Variants in DAB1 observed in about 807,000 individuals in gnomAD.
DAB1 encodes disabled homolog 1.
Under a neutral mutation model 64.6 loss-of-function variants are expected in DAB1, and 15 were observed. The ratio of observed to expected loss-of-function variants is 0.23; its 90% CI spans 0.16 to 0.36. DAB1 has a LOEUF of 0.36. Among genes scored for constraint, DAB1 ranks in the 10% least tolerant of loss-of-function variants. The probability of loss-of-function intolerance (pLI) is 1.00; values close to 1 mark genes in which losing one functional copy is unlikely to be tolerated. For missense variants in DAB1, 596 were observed against 706.7 expected, an observed-to-expected ratio of 0.84 and a Z score of 1.78; for synonymous variants, 235 against 251.9, an observed-to-expected ratio of 0.93 and a Z score of 0.64.
At chr1:57,285,271 C>CT (rs1360659422) in intron 2 of DAB1, among the ~76,000 whole-genome samples, 1 of 151,884 alleles carries the variant, frequency 6.6e-6, no homozygotes, top group Non-Finnish European at 1.5e-5. Context: ...TTCTTTCTTT[C>CT]TTTTTTTCTT....
intron 5 of DAB1, among the ~76,000 whole-genome samples, chr1:57,908,865 T>C (rs950126137): frequency 6.6e-6 from 1 of 152,208 alleles, no homozygotes; most frequent in Non-Finnish European, 1.5e-5. Context: ...ATTAGCCCTC[T>C]GACCCAATTA....
chr1:57,972,498 C>A (rs1645821896), intron 5 of DAB1, among the ~76,000 whole-genome samples: 1 of 152,214 alleles, frequency 6.6e-6, no homozygotes, highest in East Asian at 1.9e-4. Flanking sequence ...CCACCTCAGC[C>A]TCCCCAAGTG....
chr1:57,334,974 C>T (rs1220761724), intron 1 of DAB1, among the ~76,000 whole-genome samples: 1 of 152,188 alleles, frequency 6.6e-6, no homozygotes, highest in Non-Finnish European at 1.5e-5. Flanking sequence ...ACTAACCTTT[C>T]ATTTCTTTCT....
chr1:58,400,401 T>C (rs576161214), intron 3 of DAB1, among the ~76,000 whole-genome samples: 22 of 152,222 alleles, frequency 1.4e-4, no homozygotes, highest in African/African-American at 5.3e-4. Flanking sequence ...TGGTGATGCA[T>C]GATTCAAGGG....
At chr1:57,483,664 T>C (rs1048040291) in intron 7 of DAB1, among the ~76,000 whole-genome samples, 6 of 152,162 alleles carry the variant, frequency 3.9e-5, no homozygotes, top group South Asian at 4.1e-4. Context: ...CAGGCTGGAG[T>C]GCAGTGGTGC....
rs146726953 is a variant in DAB1, at chr1:58,033,398, C to G, written n.387+117113G>C. Among the ~76,000 whole-genome samples, 250 of 152,276 alleles carry G rather than the reference C, an allele frequency of 1.6e-3. 2 individuals carry two copies. The highest frequency in any genetic ancestry group is 5.6e-3 in the African/African-American group (233 of 41,572). Reference sequence around the variant, plus strand: ...ATCAGATAAGCACCATACAACTTCACGGTTCCTTATGGTTTCCTTATGCCC... The same window carrying G: ...ATCAGATAAGCACCATACAACTTCAGGGTTCCTTATGGTTTCCTTATGCCC... On this transcript the variant is annotated intron_variant and non_coding_transcript_variant, in intron 5 of 20. Transcript: ENST00000485760.
chr1:58,101,264 C>T (rs1570353334), intron 5 of DAB1, among the ~76,000 whole-genome samples: 1 of 152,248 alleles, frequency 6.6e-6, no homozygotes, highest in East Asian at 1.9e-4. Context: ...TGGCAGTGAG[C>T]CGAGGTCATG....
intron 4 of DAB1, among the ~76,000 whole-genome samples, chr1:58,231,566 G>A (rs2100352354): frequency 6.6e-6 from 1 of 152,204 alleles, no homozygotes; most frequent in East Asian, 1.9e-4. Context: ...TAAGGTATGA[G>A]GACAGGAGTG....
chr1:58,165,443 G>C (rs1257949544), intron 4 of DAB1, among the ~76,000 whole-genome samples: 1 of 152,142 alleles, frequency 6.6e-6, no homozygotes, highest in East Asian at 1.9e-4. Context: ...TGCAAAAGGA[G>C]GCTCTCTTCT....
chr1:57,126,380 C>T (rs1016484544), intron 4 of DAB1, among the ~76,000 whole-genome samples: 1 of 152,202 alleles, frequency 6.6e-6, no homozygotes, highest in Non-Finnish European at 1.5e-5. Context: ...TTGGCAGGCA[C>T]ACAGGGGCAG....
At chr1:57,451,396 G>T (rs905084302) in intron 7 of DAB1, among the ~76,000 whole-genome samples, 7 of 152,162 alleles carry the variant, frequency 4.6e-5, no homozygotes, top group Admixed American at 4.6e-4. Context: ...TCCGATTTCT[G>T]CATAGTGAGA....
intron 7 of DAB1, among the ~76,000 whole-genome samples, chr1:57,622,043 G>C (rs1300992984): frequency 1.3e-5 from 2 of 152,120 alleles, no homozygotes; most frequent in Non-Finnish European, 2.9e-5. Context: ...AGGAGAGGTG[G>C]GAGGGCAGGT....
intron 7 of DAB1, among the ~76,000 whole-genome samples, chr1:57,604,471 C>G (rs12021572): frequency 0.23 from 35,144 of 151,844 alleles, 4,455 homozygotes; most frequent in East Asian, 0.3. Context: ...CAGAGACAGT[C>G]ACAGTTTCCT....
chr1:57,087,694 T>C (rs765962253), intron 4 of DAB1, among the ~76,000 whole-genome samples: 1 of 152,218 alleles, frequency 6.6e-6, no homozygotes, highest in Non-Finnish European at 1.5e-5. Flanking sequence ...AGGACTGGCA[T>C]TGGAACTCCT....
chr1:58,184,271 A>G (rs1656954510), intron 4 of DAB1, among the ~76,000 whole-genome samples: 1 of 148,878 alleles, frequency 6.7e-6, no homozygotes, highest in African/African-American at 2.4e-5. Context: ...AAAGATTTTA[A>G]AAATATATAA....
At chr1:57,112,604 T>A (rs530147948) in intron 4 of DAB1, among the ~76,000 whole-genome samples, 1 of 152,118 alleles carries the variant, frequency 6.6e-6, no homozygotes, top group Non-Finnish European at 1.5e-5. Context: ...GGGCCAGTCA[T>A]AACATAGGCT....
intron 6 of DAB1, among the ~76,000 whole-genome samples, chr1:57,809,892 A>G (rs1180025924): frequency 6.6e-6 from 1 of 152,164 alleles, no homozygotes; most frequent in Admixed American, 6.5e-5. Context: ...ATCTTAAAGT[A>G]TTCTAGCAGC....
chr1:57,600,305 C>T (rs1370651858), intron 7 of DAB1, among the ~76,000 whole-genome samples: 1 of 152,100 alleles, frequency 6.6e-6, no homozygotes, highest in Non-Finnish European at 1.5e-5. Flanking sequence ...TAAATGGAAT[C>T]GATCAGAATA....
intron 4 of DAB1, among the ~76,000 whole-genome samples, chr1:57,116,461 C>CAAAAA (rs61590002): frequency 0.028 from 1,994 of 71,780 alleles, 164 homozygotes; most frequent in African/African-American, 0.08. Context: ...GACTCTGTCT[C>CAAAAA]AAAAAAAAAA....
Sources: allele counts gnomAD v4.1 joint callset (sites outside exome capture counted in the v4.1 genomes callset), GRCh38; gene constraint gnomAD v4.1.1; transcripts MANE v1.5; gene names NCBI Gene and HGNC (gene_info 2026-07-23, HGNC 2026-07-21).